CHRNA7: variants seen among roughly 807,000 people sequenced by gnomAD.
CHRNA7 encodes neuronal acetylcholine receptor subunit alpha-7.
A neutral mutation model predicts 48.0 loss-of-function variants in CHRNA7; 17 were observed. The ratio of observed to expected loss-of-function variants is 0.35; its 90% CI spans 0.24 to 0.53. CHRNA7 has a LOEUF of 0.53. Ranked by LOEUF, CHRNA7 falls within the 20% of genes least tolerant of loss-of-function variation. The pLI is 0.92. For synonymous variants in CHRNA7, 75 were observed against 242.3 expected (o/e 0.31, Z 6.41); for missense variants, 155 against 577.7 (o/e 0.27, Z 7.50).
intron 4 of CHRNA7, among the ~76,000 whole-genome samples, chr15:32,117,193 C>T (rs1258175778): frequency 1.3e-5 from 2 of 152,158 alleles, no homozygotes; most frequent in Non-Finnish European, 2.9e-5. Context: ...AATCATACTG[C>T]GGGCAAACAG....
chr15:32,114,059 T>TATATATAC (rs1187735599), intron 4 of CHRNA7, among the ~76,000 whole-genome samples: 1 of 38,356 alleles, frequency 2.6e-5, no homozygotes, highest in Non-Finnish European at 6.0e-5. Context: ...TATATATATA[T>TATATATAC]ACATATATAT....
At chr15:32,072,898 G>A (rs547987297) in intron 2 of CHRNA7, among the ~76,000 whole-genome samples, 77 of 152,350 alleles carry the variant, frequency 5.1e-4, no homozygotes, top group Non-Finnish European at 9.3e-4. Context: ...GAAGCCTATT[G>A]CAGGGGTGGA....
chr15:32,114,029 T>TATAC (rs1555383652), intron 4 of CHRNA7, among the ~76,000 whole-genome samples: 2 of 93,332 alleles, frequency 2.1e-5, no homozygotes, highest in Non-Finnish European at 4.0e-5. Flanking sequence ...AATATATATA[T>TATAC]ATATATATAT....
intron 4 of CHRNA7, among the ~76,000 whole-genome samples, chr15:32,147,235 T>A (rs1424588129): frequency 6.6e-6 from 1 of 152,146 alleles, no homozygotes; most frequent in Admixed American, 6.5e-5. Flanking sequence ...CAACAGACAC[T>A]GGAGACTACT....
At chr15:32,114,594 C>T (rs1353718958) in intron 4 of CHRNA7, among the ~76,000 whole-genome samples, 1 of 152,188 alleles carries the variant, frequency 6.6e-6, no homozygotes, top group Non-Finnish European at 1.5e-5. Context: ...GTAGGACTTT[C>T]TTTTTGAAGT....
At chr15:32,059,150 C>A (rs534581171) in intron 2 of CHRNA7, among the ~76,000 whole-genome samples, 26 of 152,178 alleles carry the variant, frequency 1.7e-4, no homozygotes, top group Admixed American at 1.6e-3. Context: ...ACTACAGGTG[C>A]ACACCACCAT....
intron 4 of CHRNA7, among the ~76,000 whole-genome samples, chr15:32,138,272 A>G (rs868755066): frequency 8.5e-5 from 13 of 152,182 alleles, no homozygotes; most frequent in African/African-American, 3.1e-4. Flanking sequence ...AAAATAGAAT[A>G]TTGTGACACA....
intron 2 of CHRNA7, among the ~76,000 whole-genome samples, chr15:32,066,370 C>G (rs181016082): frequency 6.6e-6 from 1 of 151,974 alleles, no homozygotes; most frequent in African/African-American, 2.4e-5. Flanking sequence ...CAACCTCCAC[C>G]TCCTGGGTTC....
intron 4 of CHRNA7, among the ~76,000 whole-genome samples, chr15:32,123,810 T>A (rs1227175042): frequency 6.6e-6 from 1 of 152,136 alleles, no homozygotes; most frequent in Non-Finnish European, 1.5e-5. Flanking sequence ...AAGAGTTGCA[T>A]TTTTCTTTGT....
At chr15:32,118,133 A>C (rs550275468) in intron 4 of CHRNA7, among the ~76,000 whole-genome samples, 1 of 152,166 alleles carries the variant, frequency 6.6e-6, no homozygotes, top group Non-Finnish European at 1.5e-5. Context: ...TAACTTGATA[A>C]GAAGAGGAAG....
chr15:32,135,543 G>A (rs1272846314), intron 4 of CHRNA7, among the ~76,000 whole-genome samples: 2 of 152,180 alleles, frequency 1.3e-5, no homozygotes, highest in Non-Finnish European at 2.9e-5. Flanking sequence ...CGCGCACAGT[G>A]GCAAAGCAGC....
At chr15:32,136,405 C>T (rs1370964225) in intron 4 of CHRNA7, among the ~76,000 whole-genome samples, 1 of 150,318 alleles carries the variant, frequency 6.7e-6, no homozygotes, top group Admixed American at 6.7e-5. Flanking sequence ...GCAGGAGGAT[C>T]GCTTGAACCC....
At chr15:32,148,328 A>G (rs1259319922) in intron 4 of CHRNA7, among the ~76,000 whole-genome samples, 1 of 151,700 alleles carries the variant, frequency 6.6e-6, no homozygotes, top group East Asian at 1.9e-4. Context: ...TTTTTCTCTC[A>G]AGGTTATAAG....
At chr15:32,132,072 TG>T (rs1324111906) in intron 4 of CHRNA7, among the ~76,000 whole-genome samples, 1 of 152,154 alleles carries the variant, frequency 6.6e-6, no homozygotes, top group Admixed American at 6.5e-5. Context: ...CCCTTTTGCC[TG>T]GGGATGTTTG....
At chr15:32,069,521 G>A (rs955740332) in intron 2 of CHRNA7, among the ~76,000 whole-genome samples, 4 of 151,756 alleles carry the variant, frequency 2.6e-5, no homozygotes, top group Admixed American at 1.3e-4. Context: ...GTAGTGAATG[G>A]CTGTAGTCCC....
rs78716628 is a variant in CHRNA7, at chr15:32,108,939, C to A, written c.241-2851C>A. 5.3e-3 allele frequency among the ~76,000 whole-genome samples: 810 copies of A among 152,206 alleles called. 6 individuals carry two copies. The highest frequency in any genetic ancestry group is 0.019 in the African/African-American group (780 of 41,508). Reference sequence around the variant, plus strand: ...TCTCTGCCAGACCCTTGGTGCAAACCCAGGTCTGTCTGATGCGGATGCTTT... The same window carrying A: ...TCTCTGCCAGACCCTTGGTGCAAACACAGGTCTGTCTGATGCGGATGCTTT... On this transcript the variant is annotated intron_variant, in intron 3 of 9. Coordinates refer to ENST00000306901, the MANE Select transcript of CHRNA7 (RefSeq NM_000746.6).
At chr15:32,118,641 T>G (rs1021495897) in intron 4 of CHRNA7, among the ~76,000 whole-genome samples, 1 of 152,194 alleles carries the variant, frequency 6.6e-6, no homozygotes, top group African/African-American at 2.4e-5. Flanking sequence ...TTGTTTTTAA[T>G]TTGTTCATTC....
chr15:32,052,358 C>T (rs974794222), intron 2 of CHRNA7, among the ~76,000 whole-genome samples: 10 of 152,036 alleles, frequency 6.6e-5, no homozygotes, highest in East Asian at 1.9e-4. Context: ...GTGGATCTCA[C>T]GGAAGTAGGG....
intron 4 of CHRNA7, among the ~76,000 whole-genome samples, chr15:32,147,795 G>T (rs1827294): frequency 0.42 from 64,122 of 151,742 alleles, 14,186 homozygotes; most frequent in African/African-American, 0.57. Flanking sequence ...ATAAAATATA[G>T]AACTAAAAAG....
Sources: allele counts gnomAD v4.1 joint callset (sites outside exome capture counted in the v4.1 genomes callset), GRCh38; gene constraint gnomAD v4.1.1; transcripts MANE v1.5; gene names NCBI Gene and HGNC (gene_info 2026-07-23, HGNC 2026-07-21).